GNB4: variants seen among roughly 807,000 people sequenced by gnomAD.
GNB4 encodes the protein guanine nucleotide-binding protein subunit beta-4.
A neutral mutation model predicts 45.2 loss-of-function variants in GNB4; 28 were observed. That is an observed-to-expected ratio of 0.62 (90% CI 0.46 to 0.85). The LOEUF is 0.85. Ranked by LOEUF, GNB4 falls within the 40% of genes least tolerant of loss-of-function variation. The pLI is 0.00. For missense variants in GNB4, 321 were observed against 425.4 expected, an observed-to-expected ratio of 0.75 and a Z score of 2.16; for synonymous variants, 132 against 143.7, an observed-to-expected ratio of 0.92 and a Z score of 0.58.
At chr3:179,401,895 C>A (rs1714313810) in intron 9 of GNB4, among the ~76,000 whole-genome samples, 1 of 152,144 alleles carries the variant, frequency 6.6e-6, no homozygotes, top group South Asian at 2.1e-4. Flanking sequence ...GTTTTCATTT[C>A]TTTCACACAT....
intron 4 of GNB4, among the ~76,000 whole-genome samples, chr3:179,417,204 G>C (rs1420092050): frequency 1.3e-5 from 2 of 152,156 alleles, no homozygotes; most frequent in Non-Finnish European, 2.9e-5. Context: ...TATTTTAGGA[G>C]AAAGCTATGT....
At chr3:179,508,010 G>C in the GNB4 span, among the ~76,000 whole-genome samples, 1 of 152,312 alleles carries the variant, frequency 6.6e-6, no homozygotes, top group African/African-American at 2.4e-5. Flanking sequence ...GAGAGGTTGG[G>C]AGAGTTGAAG....
rs558500966 is a variant in GNB4 at position 179,438,736 on chromosome 3, T to C, written c.-42-12494A>G. On this transcript the variant is annotated intron_variant, in intron 1 of 9. Coordinates refer to ENST00000232564, the MANE Select transcript of GNB4 (RefSeq NM_021629.4). ...TCTGGGAGAGGACTAAAACAATCCA[T>C]GAGCACTGTTTCATTTGCACCAGGA... Among the ~76,000 whole-genome samples, 3 of 152,350 alleles carry C rather than the reference T, an allele frequency of 2.0e-5. No homozygotes were observed. The East Asian group carries it at 5.8e-4, about 29-fold the overall frequency.
the GNB4 span, among the ~76,000 whole-genome samples, chr3:179,513,190 T>A: frequency 7.1e-5 from 2 of 28,014 alleles, no homozygotes; most frequent in Non-Finnish European, 1.3e-4. Context: ...TGTGCAGCAA[T>A]TTTTTTTTTT....
the GNB4 span, among the ~76,000 whole-genome samples, chr3:179,480,400 A>T: frequency 1.3e-5 from 2 of 152,142 alleles, no homozygotes; most frequent in Non-Finnish European, 2.9e-5. Context: ...TGGCAATAAC[A>T]ACTTACAAGT....
the GNB4 span, among the ~76,000 whole-genome samples, chr3:179,509,385 A>G: frequency 6.6e-5 from 10 of 152,254 alleles, 1 homozygote; most frequent in African/African-American, 2.4e-4. Flanking sequence ...AATAAACTAG[A>G]TATTCACACT....
At chr3:179,457,815 T>A in the GNB4 span, among the ~76,000 whole-genome samples, 771 of 152,314 alleles carry the variant, frequency 5.1e-3, 8 homozygotes, top group African/African-American at 0.017. Context: ...GGGACGGTTT[T>A]TACAATTTTC....
intron 8 of GNB4, among the ~76,000 whole-genome samples, chr3:179,408,307 C>T (rs895366100): frequency 2.6e-5 from 4 of 151,678 alleles, no homozygotes; most frequent in Non-Finnish European, 5.9e-5. Context: ...GGTTCACGGC[C>T]GATTAGATAC....
chr3:179,476,420 G>A, the GNB4 span, among the ~76,000 whole-genome samples: 22 of 152,176 alleles, frequency 1.4e-4, no homozygotes, highest in African/African-American at 2.9e-4. Flanking sequence ...GCTCTCTAGT[G>A]TTGGAGTCTT....
At chr3:179,458,996 A>G in the GNB4 span, among the ~76,000 whole-genome samples, 1 of 152,242 alleles carries the variant, frequency 6.6e-6, no homozygotes, top group East Asian at 1.9e-4. Flanking sequence ...TTTAGGAGAC[A>G]GAACTTCACA....
chr3:179,505,168 A>G, the GNB4 span, among the ~76,000 whole-genome samples: 3 of 152,154 alleles, frequency 2.0e-5, no homozygotes, highest in Non-Finnish European at 4.4e-5. Flanking sequence ...CTATACCAAT[A>G]CGGCATCAGT....
chr3:179,496,184 A>G, the GNB4 span, among the ~76,000 whole-genome samples: 2 of 152,326 alleles, frequency 1.3e-5, no homozygotes, highest in African/African-American at 4.8e-5. Flanking sequence ...CATCAAAAAC[A>G]TAAAATGAGG....
chr3:179,510,575 C>G, the GNB4 span, among the ~76,000 whole-genome samples: 1 of 151,532 alleles, frequency 6.6e-6, no homozygotes, highest in Non-Finnish European at 1.5e-5. Flanking sequence ...AAAGATGCCT[C>G]CCCAGAATGG....
chr3:179,451,359 A>C lies in GNB4; in HGVS notation c.-56T>G, dbSNP rs1715868753. On this transcript the variant is annotated 5_prime_UTR_variant, in exon 1 of 10. Transcript: ENST00000232564. Reference sequence around the variant, plus strand: ...CTCGCCGCCTACCTGGAGGGAGCTCAGGCCCGCGTCGACCGCGCGCTGCCG... The same window carrying C: ...CTCGCCGCCTACCTGGAGGGAGCTCCGGCCCGCGTCGACCGCGCGCTGCCG... The C allele has an allele frequency of 6.6e-6, 1 of 151,240 alleles. No homozygotes were observed. The highest frequency in any genetic ancestry group is 1.5e-5 in the Non-Finnish European group (1 of 67,704). The allele number at this position is 151,240 out of a possible 1,614,324, so 9.4% of individuals were successfully genotyped here. A position where few individuals can be genotyped will look rare whatever the true frequency, so the allele number is the denominator to read the frequency against.
At chr3:179,466,480 C>T in the GNB4 span, among the ~76,000 whole-genome samples, 1 of 152,204 alleles carries the variant, frequency 6.6e-6, no homozygotes, top group Non-Finnish European at 1.5e-5. Flanking sequence ...AATTGACCTA[C>T]CTCCCTCCTT....
At position 179,398,475 on chromosome 3, in the gene GNB4, C is replaced by G. The variant is rs1172965110; in HGVS notation, c.*2738G>C. 6.6e-6 allele frequency: 1 copy of G among 151,026 alleles called. No homozygotes were observed. The highest frequency in any genetic ancestry group is 2.1e-4 in the South Asian group (1 of 4,780). 9.4% of individuals were successfully genotyped at this position (151,026 alleles called of 1,614,324 possible). A position where few individuals can be genotyped will look rare whatever the true frequency, so the allele number is the denominator to read the frequency against. ...GGTTGAGGTTGCAATGAGCCAAAATCACACCACTGTACACTCCAGCCTGGG... is the reference window on the plus strand; with the variant it reads ...GGTTGAGGTTGCAATGAGCCAAAATGACACCACTGTACACTCCAGCCTGGG... On this transcript the variant is annotated 3_prime_UTR_variant, in exon 10 of 10. Coordinates refer to ENST00000232564, the MANE Select transcript of GNB4 (RefSeq NM_021629.4).
At chr3:179,466,581 G>T in the GNB4 span, among the ~76,000 whole-genome samples, 1 of 152,112 alleles carries the variant, frequency 6.6e-6, no homozygotes, top group Non-Finnish European at 1.5e-5. Flanking sequence ...TGTGAGTGAG[G>T]TATAGCTCAT....
chr3:179,510,703 A>C, the GNB4 span, among the ~76,000 whole-genome samples: 2 of 152,084 alleles, frequency 1.3e-5, no homozygotes, highest in African/African-American at 2.4e-5. Context: ...CTCCAATGTG[A>C]AGCTTCCTGC....
chr3:179,407,337 T>C (rs993201776), intron 8 of GNB4, among the ~76,000 whole-genome samples: 1 of 152,102 alleles, frequency 6.6e-6, no homozygotes, highest in Non-Finnish European at 1.5e-5. Context: ...CGGGTGCCTG[T>C]AGTCCCAGCT....
Sources: gnomAD v4.1 joint callset for allele counts (sites outside exome capture counted in the v4.1 genomes callset) on GRCh38, gnomAD v4.1.1 for gene constraint, MANE v1.5 for transcripts, NCBI Gene and HGNC (gene_info 2026-07-23, HGNC 2026-07-21) for gene names.